PIEZO1: variants seen among roughly 807,000 people sequenced by gnomAD.
The protein encoded by PIEZO1 is piezo type mechanosensitive ion channel component 1 (Er blood group).
In PIEZO1, 296 loss-of-function variants were observed where a neutral mutation model predicts 297.2. The ratio of observed to expected loss-of-function variants is 1.00; its 90% CI spans 0.91 to 1.10. The LOEUF is 1.10. Among genes scored for constraint, PIEZO1 ranks in the 50% least tolerant of loss-of-function variants. PIEZO1 has a pLI of 0.00. For missense variants in PIEZO1, 5,018 were observed against 3,455.5 expected, an observed-to-expected ratio of 1.45 and a Z score of -11.34; for synonymous variants, 2,427 against 1,507.5, an observed-to-expected ratio of 1.61 and a Z score of -14.13.
intron 44 of PIEZO1, chr16:88,718,018 G>C (rs1168877840): frequency 3.1e-6 from 1 of 326,936 alleles, no homozygotes; most frequent in Non-Finnish European, 5.9e-6. Flanking sequence ...GGGAGGCAGA[G>C]GCTACAGTGA....
At chr16:88,734,110 TG>T in intron 16 of PIEZO1, 56 bp from the exon 17 acceptor site, 1 of 1,467,430 alleles carries the variant, frequency 6.8e-7, no homozygotes, top group Non-Finnish European at 9.1e-7. Flanking sequence ...CCTCATTTCC[TG>T]GGGCTGGAAG....
rs770497231 is a variant in PIEZO1, at chr16:88,716,551, G to C, written c.6926+8C>G. The C allele has an allele frequency of 3.2e-6, 5 of 1,540,736 alleles. No homozygotes were observed. In the South Asian group the frequency reaches 6.0e-5, roughly 19 times the overall value. ...CCACCCAGGCACTGCCCCAAGTCCAGGACGAACCTCTGGAAGTTCCAGGTG... is the reference window on the plus strand; with the variant it reads ...CCACCCAGGCACTGCCCCAAGTCCACGACGAACCTCTGGAAGTTCCAGGTG... On this transcript the variant is annotated splice_region_variant and intron_variant, in intron 47 of 50. Transcript: ENST00000301015.
chr16:88,766,345 C>T (rs1597483400), intron 1 of PIEZO1, among the ~76,000 whole-genome samples: 2 of 152,198 alleles, frequency 1.3e-5, no homozygotes, highest in Admixed American at 1.3e-4. Context: ...ACTGCAACAG[C>T]GGCTCTTGAC....
rs1167097977 is a variant in PIEZO1 at position 88,750,802 on chromosome 16, C to T, written c.65-1323G>A. 4.6e-5 allele frequency among the ~76,000 whole-genome samples: 7 copies of T among 152,328 alleles called. No individual in the cohort carries two copies. In the South Asian group the frequency reaches 8.3e-4, roughly 18 times the overall value. On this transcript the variant is annotated intron_variant, in intron 1 of 50. Transcript: ENST00000301015. ...AGGGAGGACACTGGGACTGGAAAGGCGCCTCATGCTGCCTAAGGGGCGCCA... is the reference window on the plus strand; with the variant it reads ...AGGGAGGACACTGGGACTGGAAAGGTGCCTCATGCTGCCTAAGGGGCGCCA...
chr16:88,763,069 C>G (rs1476662787), intron 1 of PIEZO1, among the ~76,000 whole-genome samples: 1 of 152,206 alleles, frequency 6.6e-6, no homozygotes, highest in Non-Finnish European at 1.5e-5. Flanking sequence ...GGCACTTGGA[C>G]AGGGTGCAGG....
chr16:88,718,584 G>A (rs191228699), intron 44 of PIEZO1: 6 of 152,382 alleles, frequency 3.9e-5, no homozygotes, highest in Admixed American at 6.5e-5. Flanking sequence ...AAGGACAAAC[G>A]CTGTCTGAGC....
intron 1 of PIEZO1, among the ~76,000 whole-genome samples, chr16:88,763,607 T>C (rs758269305): frequency 4.6e-5 from 7 of 152,166 alleles, no homozygotes; most frequent in Non-Finnish European, 7.3e-5. Context: ...GATACAAATG[T>C]GCAGAGTGAA....
rs781280657 is a variant in PIEZO1 at position 88,723,892 on chromosome 16, C to A, written c.4314G>T (p.Pro1438=). Residue 1438 remains proline, a synonymous_variant, in exon 31 of 51, where the codon CCG becomes CCT. Transcript: ENST00000301015. ...TCACCTGGAAGGCACTCTGTGCCGA[C>A]GGCCTCGGGTCTTCAGGAACAGCCT... ...EEEAVPEDPR[P]SAQSAFQLAY... is the part of the protein sequence containing the mutation. 4 of 1,544,816 alleles carry A rather than the reference C, an allele frequency of 2.6e-6. No homozygotes were observed. Among genetic ancestry groups the A allele is most frequent in the East Asian group, 2.4e-5 (1 of 40,902 alleles).
At chr16:88,766,469 C>G (rs1001700803) in intron 1 of PIEZO1, among the ~76,000 whole-genome samples, 2 of 152,228 alleles carry the variant, frequency 1.3e-5, no homozygotes, top group South Asian at 2.1e-4. Context: ...ATAACAAGCA[C>G]CAGGCTGGTG....
chr16:88,746,977 T>A (rs1203342934), intron 2 of PIEZO1, among the ~76,000 whole-genome samples: 1 of 151,880 alleles, frequency 6.6e-6, no homozygotes, highest in East Asian at 1.9e-4. Context: ...CCTGGAGGGG[T>A]TTGGGCCTCG....
At chr16:88,724,939 G>T (rs542241652) in intron 30 of PIEZO1, 70 bp downstream of exon 30, 675 of 987,404 alleles carry the variant, frequency 6.8e-4, no homozygotes, top group Non-Finnish European at 8.9e-4. Flanking sequence ...AAGATAGCAG[G>T]CCAGGCAGAG....
chr16:88,776,284 A>G (rs1377710604), intron 1 of PIEZO1, among the ~76,000 whole-genome samples: 2 of 152,160 alleles, frequency 1.3e-5, no homozygotes, highest in Admixed American at 1.3e-4. Flanking sequence ...AATACAAAAA[A>G]TTAGCGGAGT....
Position 88,733,410 on chromosome 16 carries a change from G to C in PIEZO1, c.2532C>G (p.Ala844=). The change falls in exon 19 of 51, where the codon GCC becomes GCG. Residue 844 remains alanine, a synonymous_variant. Transcript: ENST00000301015. The part of the protein sequence containing the change: ...NLLLVVLWAF[A]LPYPRFRPMA... ...TGGGCCGGAAGCGTGGGTAGGGCAG[G>C]GCGAAGGCCCACAGCACCACCAGCA... is the stretch of plus-strand genomic sequence containing the variant. 1 of 1,550,050 alleles carries C rather than the reference G, an allele frequency of 6.5e-7. No homozygotes were observed. Among genetic ancestry groups the C allele is most frequent in the Non-Finnish European group, 8.7e-7 (1 of 1,146,780 alleles).
At chr16:88,766,484 C>G (rs534829130) in intron 1 of PIEZO1, among the ~76,000 whole-genome samples, 8 of 152,328 alleles carry the variant, frequency 5.3e-5, no homozygotes, top group Non-Finnish European at 1.0e-4. Context: ...CTGGTGTGGC[C>G]GAGGCCTGGG....
Position 88,727,042 on chromosome 16 carries a change from C to G in PIEZO1, c.3452G>C (p.Cys1151Ser), listed in dbSNP as rs1357531111. ...EPNPVPNFIH[C>S]RSYLDMLKVA... Reference sequence around the variant, plus strand: ...TGGAGGGTGACGTGGAACCCACCTGCAGTGGATAAAGTTGGGCACGGGGTT... The same window carrying G: ...TGGAGGGTGACGTGGAACCCACCTGGAGTGGATAAAGTTGGGCACGGGGTT... The change falls in exon 24 of 51, where the codon TGC becomes TCC. Residue 1151 changes from cysteine to serine, a missense_variant. Coordinates refer to ENST00000301015, the MANE Select transcript of PIEZO1 (RefSeq NM_001142864.4). 1 of 1,548,792 alleles carries G rather than the reference C, an allele frequency of 6.5e-7. No homozygotes were observed. The highest frequency in any genetic ancestry group is 8.7e-7 in the Non-Finnish European group (1 of 1,145,710).
At chr16:88,759,618 G>C (rs1299688301) in intron 1 of PIEZO1, among the ~76,000 whole-genome samples, 2 of 152,208 alleles carry the variant, frequency 1.3e-5, no homozygotes, top group African/African-American at 4.8e-5. Flanking sequence ...CTCTGCAAGG[G>C]AGCCTGCTGG....
intron 27 of PIEZO1, 30 bp downstream of exon 27, chr16:88,726,254 G>A (rs1013807991): frequency 6.5e-7 from 1 of 1,528,654 alleles, no homozygotes; most frequent in Non-Finnish European, 8.8e-7. Context: ...CAAGACGGGA[G>A]CTCTGGGCTG....
At chr16:88,734,845 C>T (rs1439513607) in intron 14 of PIEZO1, 30 bp downstream of exon 14, 2 of 1,549,954 alleles carry the variant, frequency 1.3e-6, no homozygotes, top group Non-Finnish European at 1.7e-6. Flanking sequence ...AGGGTCCGTG[C>T]CCCAGCCCCC....
intron 44 of PIEZO1, chr16:88,718,414 C>G (rs768969362): frequency 2.0e-5 from 3 of 152,412 alleles, no homozygotes; most frequent in African/African-American, 7.2e-5. Flanking sequence ...ACGTGTACAC[C>G]GGCGTGCCTG....
Sources: gnomAD v4.1 joint callset for allele counts (sites outside exome capture counted in the v4.1 genomes callset) on GRCh38, gnomAD v4.1.1 for gene constraint, MANE v1.5 for transcripts, NCBI Gene and HGNC (gene_info 2026-07-23, HGNC 2026-07-21) for gene names.